Variants in CUX1 observed in about 807,000 individuals in gnomAD.
The protein encoded by CUX1 is protein CASP.
CUX1 carries 31 observed loss-of-function variants against 158.8 expected under a neutral mutation model. The observed-to-expected ratio is 0.20, with a 90% CI of 0.15 to 0.26. The LOEUF (loss-of-function observed/expected upper bound fraction) is 0.26. CUX1 is among the 10% of genes least tolerant of loss of function. The probability of loss-of-function intolerance (pLI) is 1.00; values close to 1 mark genes in which losing one functional copy is unlikely to be tolerated. For synonymous variants in CUX1, 879 were observed against 862.1 expected, an observed-to-expected ratio of 1.02 and a Z score of -0.34; for missense variants, 1,589 against 2,014.6, an observed-to-expected ratio of 0.79 and a Z score of 4.04.
chr7:101,878,338 G>A (rs1247159283), intron 1 of CUX1, among the ~76,000 whole-genome samples: 1 of 152,226 alleles, frequency 6.6e-6, no homozygotes, highest in African/African-American at 2.4e-5. Flanking sequence ...TAGGAGAGGG[G>A]TGGGTCCTTT....
At chr7:101,891,678 C>G (rs1454672191) in intron 1 of CUX1, among the ~76,000 whole-genome samples, 1 of 152,184 alleles carries the variant, frequency 6.6e-6, no homozygotes, top group East Asian at 1.9e-4. Flanking sequence ...CAGAAACCAT[C>G]CAGAATGTGA....
At chr7:101,924,481 G>A (rs562706740) in intron 2 of CUX1, among the ~76,000 whole-genome samples, 57 of 152,250 alleles carry the variant, frequency 3.7e-4, no homozygotes, top group Non-Finnish European at 6.8e-4. Flanking sequence ...AGGTGGTGAA[G>A]TGAGGGTGAT....
intron 1 of CUX1, among the ~76,000 whole-genome samples, chr7:101,835,955 C>T (rs189492190): frequency 1.1e-4 from 16 of 152,332 alleles, no homozygotes; most frequent in African/African-American, 3.4e-4. Flanking sequence ...TCTCGAATTC[C>T]TGACCTCAGG....
At chr7:102,267,403 G>A (rs781790418) in intron 14 of CUX1, among the ~76,000 whole-genome samples, 23 of 152,040 alleles carry the variant, frequency 1.5e-4, no homozygotes, top group South Asian at 4.1e-4. Context: ...GCATGGTGGT[G>A]CATGCCTGTA....
In CUX1 at chr7:102,249,359, A is replaced by G; in HGVS notation, c.*317A>G. ...TTGCGCACTTACCGCCCTGCGGGCC[A>G]CAGGGCAAAATCGCCATAGGCCAAG... On this transcript the variant is annotated 3_prime_UTR_variant, in exon 24 of 24. Coordinates refer to ENST00000292535, the MANE Select transcript of CUX1 (RefSeq NM_181552.4). 4 of 1,003,564 alleles carry G rather than the reference A, an allele frequency of 4.0e-6. No individual in the cohort carries two copies. Among genetic ancestry groups the G allele is most frequent in the Non-Finnish European group, 4.8e-6 (4 of 841,534 alleles). 62.2% of individuals were successfully genotyped at this position (1,003,564 alleles called of 1,614,324 possible).
At chr7:102,238,060 C>A (rs938372980) in intron 22 of CUX1, among the ~76,000 whole-genome samples, 1 of 152,166 alleles carries the variant, frequency 6.6e-6, no homozygotes, top group African/African-American at 2.4e-5. Context: ...AACATGAAGG[C>A]AGACTAGGAG....
exon 23 of CUX1, chr7:102,283,366 C>A: frequency 2.0e-6 from 1 of 489,106 alleles, no homozygotes; most frequent in Non-Finnish European, 3.7e-6. Context: ...GCTCTGCCCG[C>A]AGCCTGACCT....
intron 8 of CUX1, among the ~76,000 whole-genome samples, chr7:102,116,864 G>T (rs1831490104): frequency 6.6e-6 from 1 of 152,122 alleles, no homozygotes; most frequent in Admixed American, 6.5e-5. Flanking sequence ...GACTCACTCG[G>T]TTAGATGATA....
chr7:102,259,030 A>C (rs1422023246), downstream of CUX1, among the ~76,000 whole-genome samples: 1 of 152,178 alleles, frequency 6.6e-6, no homozygotes, highest in East Asian at 1.9e-4. Flanking sequence ...GTCTGGTGGA[A>C]GTGGGGGATG....
At chr7:102,109,334 A>G (rs1018674814) in intron 6 of CUX1, among the ~76,000 whole-genome samples, 1 of 152,250 alleles carries the variant, frequency 6.6e-6, no homozygotes. Flanking sequence ...TAGGCATGTC[A>G]TACAAAGAGA....
intron 3 of CUX1, among the ~76,000 whole-genome samples, chr7:102,066,303 C>T (rs1261143688): frequency 1.3e-5 from 2 of 152,140 alleles, no homozygotes; most frequent in African/African-American, 4.8e-5. Context: ...CTTATTGGAT[C>T]CAACTGGACG....
intron 2 of CUX1, among the ~76,000 whole-genome samples, chr7:101,964,123 A>G (rs552175100): frequency 3.0e-4 from 46 of 152,174 alleles, no homozygotes; most frequent in African/African-American, 1.0e-3. Context: ...AGGCCGAGGC[A>G]GGTGGATCAC....
At chr7:102,068,083 TTTGTTGTTG>T (rs564385716) in intron 3 of CUX1, among the ~76,000 whole-genome samples, 1 of 151,612 alleles carries the variant, frequency 6.6e-6, no homozygotes, top group African/African-American at 2.4e-5. Flanking sequence ...AACCTTGTTT[TTTGTTGTTG>T]TTGTTGTTGT....
At chr7:102,186,596 T>TATATA (rs782309001) in intron 11 of CUX1, among the ~76,000 whole-genome samples, 7 of 92,618 alleles carry the variant, frequency 7.6e-5, no homozygotes, top group African/African-American at 2.1e-4. Flanking sequence ...TATATATATA[T>TATATA]TTTTTTTTAT....
chr7:101,865,160 GC>G (rs1330301819), intron 1 of CUX1, among the ~76,000 whole-genome samples: 2 of 152,184 alleles, frequency 1.3e-5, no homozygotes, highest in Non-Finnish European at 2.9e-5. Flanking sequence ...CCCTGCCGTG[GC>G]TGCCCAGTCC....
intron 2 of CUX1, among the ~76,000 whole-genome samples, chr7:101,956,721 CAGTGCGGGTTG>C (rs1426378584): frequency 6.6e-6 from 1 of 152,210 alleles, no homozygotes. Context: ...CCGAAGCGGG[CAGTGCGGGTTG>C]AGTGCGGGAG....
At chr7:102,061,328 T>C (rs1824849029) in intron 3 of CUX1, among the ~76,000 whole-genome samples, 2 of 152,174 alleles carry the variant, frequency 1.3e-5, no homozygotes, top group South Asian at 4.1e-4. Flanking sequence ...CCACACACTC[T>C]TTCCATTGAC....
chr7:102,214,506 G>A (rs1193539916), intron 20 of CUX1, among the ~76,000 whole-genome samples: 2 of 152,278 alleles, frequency 1.3e-5, no homozygotes, highest in Admixed American at 6.5e-5. Context: ...AGGTTTGGCT[G>A]TTGGAAAATG....
rs1249228303 is a variant in CUX1 at position 102,250,948 on chromosome 7, A to G, written c.*1906A>G. ...TTTATTGCCATATCTTTAAACTAAC[A>G]ATAGATGATTTCGGTATATATATAT... On this transcript the variant is annotated 3_prime_UTR_variant, in exon 24 of 24. Transcript: ENST00000292535. 4.1e-6 allele frequency: 4 copies of G among 972,052 alleles called. No homozygotes were observed. In the African/African-American group the frequency reaches 7.0e-5, roughly 17 times the overall value. 60.2% of individuals were successfully genotyped at this position (972,052 alleles called of 1,614,324 possible). A position where few individuals can be genotyped will look rare whatever the true frequency, so the allele number is the denominator to read the frequency against.
Sources: gnomAD v4.1 joint callset for allele counts (sites outside exome capture counted in the v4.1 genomes callset) on GRCh38, gnomAD v4.1.1 for gene constraint, MANE v1.5 for transcripts, NCBI Gene and HGNC (gene_info 2026-07-23, HGNC 2026-07-21) for gene names.